Variants in SRGAP3 observed in about 807,000 individuals in gnomAD.
SRGAP3 encodes SLIT-ROBO Rho GTPase activating protein 3, also known as SLIT-ROBO Rho GTPase-activating protein 3.
Under a neutral mutation model 121.1 loss-of-function variants are expected in SRGAP3, and 39 were observed. The ratio of observed to expected loss-of-function variants is 0.32; its 90% CI spans 0.25 to 0.42. SRGAP3 has a LOEUF of 0.42. SRGAP3 is among the 10% of genes least tolerant of loss of function. The probability of loss-of-function intolerance (pLI) is 1.00; values close to 1 mark genes in which losing one functional copy is unlikely to be tolerated. For missense variants in SRGAP3, 1,213 were observed against 1,470.6 expected (o/e 0.82, Z 2.86); for synonymous variants, 601 against 570.0 (o/e 1.05, Z -0.77).
intron 10 of SRGAP3, among the ~76,000 whole-genome samples, chr3:9,038,640 A>T (rs1174488591): frequency 6.6e-6 from 1 of 152,170 alleles, no homozygotes. Context: ...TTCCCAGCTG[A>T]AGATCTTCTC....
chr3:9,055,828 G>C (rs767273881), intron 8 of SRGAP3, among the ~76,000 whole-genome samples: 3 of 152,062 alleles, frequency 2.0e-5, no homozygotes, highest in African/African-American at 4.8e-5. Flanking sequence ...ATATACATAT[G>C]CTTTAGTTTA....
chr3:9,052,630 G>T (rs1047653766), intron 9 of SRGAP3, among the ~76,000 whole-genome samples: 11 of 152,194 alleles, frequency 7.2e-5, no homozygotes, highest in African/African-American at 2.7e-4. Flanking sequence ...TTGGATTTTT[G>T]AGGGCATTTT....
chr3:9,277,607 CAAA>C (rs35955575), intron 3 of SRGAP3, among the ~76,000 whole-genome samples: 2 of 59,828 alleles, frequency 3.3e-5, no homozygotes, highest in African/African-American at 1.5e-4. Flanking sequence ...GAAGCCATCT[CAAA>C]AAAAAAAAAA....
chr3:9,137,553 A>C (rs1167581217), intron 1 of SRGAP3, among the ~76,000 whole-genome samples: 1 of 152,226 alleles, frequency 6.6e-6, no homozygotes, highest in Non-Finnish European at 1.5e-5. Context: ...ATGTAAGAGG[A>C]AATGATAAGG....
intron 3 of SRGAP3, among the ~76,000 whole-genome samples, chr3:9,319,405 G>A (rs1341601210): frequency 6.6e-6 from 1 of 151,878 alleles, no homozygotes; most frequent in African/African-American, 2.4e-5. Flanking sequence ...ATTAATTCAA[G>A]ATGTGGACAC....
At chr3:9,198,501 A>T (rs1009050044) in intron 1 of SRGAP3, among the ~76,000 whole-genome samples, 4 of 152,232 alleles carry the variant, frequency 2.6e-5, no homozygotes, top group Non-Finnish European at 4.4e-5. Flanking sequence ...AGCATTCAGT[A>T]GCCAGTGCTT....
At position 9,218,976 on chromosome 3, in the gene SRGAP3, TTTATC is replaced by T. The variant is rs1268693212; in HGVS notation, c.67+29904_67+29908del. On this transcript the variant is annotated intron_variant, in intron 1 of 21. Coordinates refer to ENST00000383836, the MANE Select transcript of SRGAP3 (RefSeq NM_014850.4). This position sits in a 1 kb window ranked among gnomAD's most constrained non-coding sequence, Gnocchi z 5.3. ...GCGTGAGCCACTGCGCCCAGCCTAT[TTTATC>T]TTATCTTATTTTATTTTTATTTTAT... Among the ~76,000 whole-genome samples, 3 of 152,016 alleles carry T rather than the reference TTTATC, an allele frequency of 2.0e-5. No homozygotes were observed. Among genetic ancestry groups the T allele is most frequent in the Admixed American group, 6.5e-5 (1 of 15,278 alleles).
intron 4 of SRGAP3, among the ~76,000 whole-genome samples, chr3:9,078,466 G>A (rs1330241339): frequency 1.3e-5 from 2 of 152,026 alleles, no homozygotes; most frequent in African/African-American, 2.4e-5. Context: ...TCCCCCCACC[G>A]TGAGTATGTA....
At chr3:9,303,047 A>G (rs1295556838) in intron 3 of SRGAP3, among the ~76,000 whole-genome samples, 1 of 152,228 alleles carries the variant, frequency 6.6e-6, no homozygotes, top group African/African-American at 2.4e-5. Context: ...CACTCTGACA[A>G]GCTGTAACAC....
At chr3:9,073,404 C>G (rs991203805) in intron 4 of SRGAP3, among the ~76,000 whole-genome samples, 9 of 152,228 alleles carry the variant, frequency 5.9e-5, no homozygotes, top group African/African-American at 1.9e-4. Context: ...CTTGGCCTCC[C>G]AAAGTGCCGG....
intron 1 of SRGAP3, among the ~76,000 whole-genome samples, chr3:9,341,311 C>A (rs1422445911): frequency 6.6e-6 from 1 of 152,114 alleles, no homozygotes; most frequent in Non-Finnish European, 1.5e-5. Flanking sequence ...CCTGATTATC[C>A]CCCAGTCCAG....
chr3:9,311,181 A>G (rs1416700998), intron 3 of SRGAP3, among the ~76,000 whole-genome samples: 1 of 152,110 alleles, frequency 6.6e-6, no homozygotes, highest in Non-Finnish European at 1.5e-5. Flanking sequence ...AAAAAAAAAA[A>G]AAGATACATA....
chr3:9,167,568 G>C (rs186171003), intron 1 of SRGAP3, among the ~76,000 whole-genome samples: 20 of 152,262 alleles, frequency 1.3e-4, no homozygotes, highest in Admixed American at 5.9e-4. Flanking sequence ...AACGCCTAGG[G>C]GGGGAGCAGG....
rs1941415840 is a variant in SRGAP3, at chr3:8,981,579, C to T, written c.*3940G>A. 4.3e-6 allele frequency: 1 copy of T among 232,874 alleles called. No homozygotes were observed. The highest frequency in any genetic ancestry group is 1.8e-4 in the South Asian group (1 of 5,516). 14.4% of individuals were successfully genotyped at this position (232,874 alleles called of 1,614,324 possible). A position where few individuals can be genotyped will look rare whatever the true frequency, so the allele number is the denominator to read the frequency against. ...TCACGAGAAGTCCTCCACATTCGTG[C>T]CTCCTGAATGACAGAGAAATATACC... is the stretch of plus-strand genomic sequence containing the variant. On this transcript the variant is annotated 3_prime_UTR_variant, in exon 22 of 22. Transcript: ENST00000383836.
intron 1 of SRGAP3, among the ~76,000 whole-genome samples, chr3:9,204,515 T>C (rs938092196): frequency 1.3e-5 from 2 of 152,212 alleles, no homozygotes; most frequent in South Asian, 2.1e-4. Flanking sequence ...ATCTTATCCG[T>C]TGGGAGATAA....
intron 3 of SRGAP3, among the ~76,000 whole-genome samples, chr3:9,088,253 G>A (rs1947584323): frequency 6.6e-6 from 1 of 152,196 alleles, no homozygotes; most frequent in Non-Finnish European, 1.5e-5. Flanking sequence ...CACAGGGAGT[G>A]TGTGGACAGT....
At chr3:9,309,184 T>C (rs577739565) in intron 3 of SRGAP3, among the ~76,000 whole-genome samples, 2 of 152,234 alleles carry the variant, frequency 1.3e-5, no homozygotes, top group Admixed American at 1.3e-4. Flanking sequence ...CCAGCCCTCC[T>C]AGCATCCTGG....
At chr3:9,356,753 C>A (rs1394226757) in intron 1 of SRGAP3, among the ~76,000 whole-genome samples, 1 of 151,930 alleles carries the variant, frequency 6.6e-6, no homozygotes, top group Non-Finnish European at 1.5e-5. Context: ...AGCAACCCAC[C>A]TGCCTCGGCC....
chr3:9,196,504 CTTA>C (rs1191999882), intron 1 of SRGAP3, among the ~76,000 whole-genome samples: 3 of 152,146 alleles, frequency 2.0e-5, no homozygotes, highest in Admixed American at 6.5e-5. Flanking sequence ...TTTCTTTGCT[CTTA>C]TTTTTGCTTT....
Sources: allele counts gnomAD v4.1 joint callset (sites outside exome capture counted in the v4.1 genomes callset), GRCh38; gene constraint gnomAD v4.1.1; non-coding constraint Gnocchi (gnomAD v3.1); transcripts MANE v1.5; gene names NCBI Gene and HGNC (gene_info 2026-07-23, HGNC 2026-07-21).